Variants in KLHDC2 observed in about 807,000 individuals in gnomAD.
KLHDC2 encodes kelch domain containing 2, also known as kelch domain-containing protein 2.
A neutral mutation model predicts 62.3 loss-of-function variants in KLHDC2; 38 were observed. The observed-to-expected ratio is 0.61, with a 90% CI of 0.47 to 0.80. KLHDC2 has a LOEUF of 0.80. KLHDC2 is among the 30% of genes least tolerant of loss of function. The pLI, the probability that KLHDC2 is intolerant of heterozygous loss-of-function variation, is 0.00. For synonymous variants in KLHDC2, 159 were observed against 161.0 expected, an observed-to-expected ratio of 0.99 and a Z score of 0.09; for missense variants, 430 against 495.3, an observed-to-expected ratio of 0.87 and a Z score of 1.25.
Position 49,785,086 on chromosome 14 carries a change from A to T in KLHDC2, c.*2133A>T. 6.2e-7 allele frequency: 1 copy of T among 1,606,732 alleles called. No homozygotes were observed. The highest frequency in any genetic ancestry group is 8.5e-7 in the Non-Finnish European group (1 of 1,173,506). ...AATCATAATTCAAAAAAACAAATTT[A>T]AATACCTTTTCCCTTTTTCTGCACT... On this transcript the variant is annotated 3_prime_UTR_variant, in exon 13 of 13. Coordinates refer to ENST00000298307, the MANE Select transcript of KLHDC2 (RefSeq NM_014315.3).
intron 6 of KLHDC2, among the ~76,000 whole-genome samples, chr14:49,779,270 A>G (rs1396397829): frequency 1.3e-5 from 2 of 152,170 alleles, no homozygotes; most frequent in Non-Finnish European, 1.5e-5. Flanking sequence ...TAAATATTAG[A>G]TTTCTTTTCC....
Position 49,774,665 on chromosome 14 carries a change from G to A in KLHDC2, c.338G>A (p.Gly113Asp). 6.3e-7 allele frequency: 1 copy of A among 1,587,686 alleles called. No individual in the cohort carries two copies. Among genetic ancestry groups the A allele is most frequent in the Non-Finnish European group, 8.7e-7 (1 of 1,155,800 alleles). The stretch of plus-strand genomic sequence containing the variant: ...TTGTTTGGAGGACACCATTCAAGAG[G>A]CAATACCAATAAGGTTAGTGTTTCT... ...LYLFGGHHSR[G>D]NTNKFYMLDS... The change falls in exon 3 of 13, where the codon GGC becomes GAC. Residue 113 changes from glycine (G) to aspartate (D), a missense_variant. Gly to Asp is a moderately conservative substitution (Grantham distance 94). Coordinates refer to ENST00000298307, the MANE Select transcript of KLHDC2 (RefSeq NM_014315.3).
intron 3 of KLHDC2, among the ~76,000 whole-genome samples, chr14:49,776,932 A>AATATAT (rs34017046): frequency 5.2e-4 from 75 of 145,402 alleles, no homozygotes; most frequent in Admixed American, 2.6e-3. Flanking sequence ...AAAAAAAAGA[A>AATATAT]ATATATATAT....
In KLHDC2 at chr14:49,784,311, C is replaced by CCACTT. The variant is rs1210579932; in HGVS notation, c.*1363_*1367dup. On this transcript the variant is annotated 3_prime_UTR_variant, in exon 13 of 13. Coordinates refer to ENST00000298307, the MANE Select transcript of KLHDC2 (RefSeq NM_014315.3). ...CAAGTCAATAGTTTAAGCAATCAAG[C>CCACTT]CACTTCACTGTTCAGTTTCTTTACA... 5.0e-6 allele frequency: 1 copy of CCACTT among 198,668 alleles called. No individual in the cohort carries two copies. The highest frequency in any genetic ancestry group is 2.4e-5 in the African/African-American group (1 of 42,350). The allele number at this position is 198,668 out of a possible 1,614,324, so 12.3% of individuals were successfully genotyped here.
intron 12 of KLHDC2, 81 bp from the exon 13 acceptor site, chr14:49,782,749 A>ATGTT (rs1889966532): frequency 6.7e-7 from 1 of 1,488,752 alleles, no homozygotes; most frequent in Non-Finnish European, 9.2e-7. Flanking sequence ...AGAAAGAGGG[A>ATGTT]TGTTTTATGT....
At chr14:49,772,125 CTAGA>C (rs556361412) in intron 2 of KLHDC2, among the ~76,000 whole-genome samples, 2,069 of 152,242 alleles carry the variant, frequency 0.014, 24 homozygotes, top group Non-Finnish European at 0.02. Flanking sequence ...TCTGTAGTTA[CTAGA>C]TACTTTTATG....
chr14:49,777,798 T>G (rs1360365697), intron 3 of KLHDC2, 41 bp from the exon 4 acceptor site: 1 of 1,078,874 alleles, frequency 9.3e-7, no homozygotes, highest in East Asian at 2.4e-5. Flanking sequence ...TTGAATTTCT[T>G]TCATAAAACC....
At chr14:49,776,057 G>A (rs1172186729) in intron 3 of KLHDC2, among the ~76,000 whole-genome samples, 1 of 152,194 alleles carries the variant, frequency 6.6e-6, no homozygotes, top group Non-Finnish European at 1.5e-5. Context: ...ATGGTGTTAG[G>A]TAGGCTCCAA....
chr14:49,778,692 A>C (rs1889822728), intron 6 of KLHDC2, among the ~76,000 whole-genome samples, 198 bp downstream of exon 6: 1 of 151,900 alleles, frequency 6.6e-6, no homozygotes, highest in Non-Finnish European at 1.5e-5. Context: ...GTATGAAATG[A>C]CTAACCCAGC....
rs955795168 is a variant in KLHDC2, at chr14:49,780,746, A to G, written c.927A>G (p.Gln309=). The G allele has an allele frequency of 2.5e-6, 4 of 1,606,288 alleles. No individual in the cohort carries two copies. The highest frequency in any genetic ancestry group is 1.7e-6 in the Non-Finnish European group (2 of 1,172,958). Reference sequence around the variant, plus strand: ...GCATCAGTAAAAATGAATGGATACAATTTAATCATCCATATACCGAAAAAC... The same window carrying G: ...GCATCAGTAAAAATGAATGGATACAGTTTAATCATCCATATACCGAAAAAC... ...TYCISKNEWI[Q]FNHPYTEKPR... is the part of the protein sequence containing the mutation. The change falls in exon 10 of 13, where the codon CAA becomes CAG. Residue 309 remains glutamine, a synonymous_variant. Transcript: ENST00000298307.
intron 6 of KLHDC2, 31 bp from the exon 7 acceptor site, chr14:49,779,556 TATAAAAAG>T (rs1566636800): frequency 6.7e-7 from 1 of 1,498,460 alleles, no homozygotes; most frequent in Non-Finnish European, 9.3e-7. Context: ...TTTCCCTGTT[TATAAAAAG>T]TTCACTAACT....
At chr14:49,780,936 G>A (rs748584572) in intron 10 of KLHDC2, among the ~76,000 whole-genome samples, 161 bp downstream of exon 10, 3 of 152,176 alleles carry the variant, frequency 2.0e-5, no homozygotes, top group Admixed American at 1.3e-4. Flanking sequence ...AGTATCGAAT[G>A]ATCTCCTTTC....
Position 49,776,474 on chromosome 14 carries a change from CTTAA to C in KLHDC2, c.352-1359_352-1356del, listed in dbSNP as rs572336500. On this transcript the variant is annotated intron_variant, in intron 3 of 12. Transcript: ENST00000298307. ...ATATTTAATCTTTTAAGTATTGATC[CTTAA>C]TTAATCTCTTTAATCTTAAAGATTA... 1.2e-3 allele frequency among the ~76,000 whole-genome samples: 176 copies of C among 152,190 alleles called. 2 individuals carry two copies. The highest frequency in any genetic ancestry group is 4.6e-3 in the South Asian group (22 of 4,826).
At chr14:49,770,922 C>T (rs778198148) in intron 1 of KLHDC2, among the ~76,000 whole-genome samples, 3 of 152,252 alleles carry the variant, frequency 2.0e-5, no homozygotes, top group Admixed American at 6.5e-5. Context: ...TAGAAAACCA[C>T]GCATCGTGTT....
rs765163281 is a variant in KLHDC2, at chr14:49,779,556, TATAAA to T, written c.634-37_634-33del. Reference sequence around the variant, plus strand: ...AGTAGACATAGGTATTTTCCCTGTTTATAAAAAGTTCACTAACTTGCTTATGTGCC... The same window carrying T: ...AGTAGACATAGGTATTTTCCCTGTTTAAGTTCACTAACTTGCTTATGTGCC... On this transcript the variant is annotated intron_variant, in intron 6 of 12. Coordinates refer to ENST00000298307, the MANE Select transcript of KLHDC2 (RefSeq NM_014315.3). The T allele has an allele frequency of 1.1e-5, 17 of 1,498,460 alleles. No homozygotes were observed. The African/African-American group carries it at 1.7e-4, about 15-fold the overall frequency. The allele number at this position is 1,498,460 out of a possible 1,614,324, so 92.8% of individuals were successfully genotyped here. A position where few individuals can be genotyped will look rare whatever the true frequency, so the allele number is the denominator to read the frequency against.
chr14:49,780,105 C>T, intron 8 of KLHDC2, 108 bp from the exon 9 acceptor site: 1 of 735,586 alleles, frequency 1.4e-6, no homozygotes, highest in Non-Finnish European at 2.3e-6. Flanking sequence ...CCTTTTTAAA[C>T]TTAAGGTCTC....
rs1470457261 is a variant in KLHDC2, at chr14:49,785,481, A to C, written c.*2528A>C. 1.0e-5 allele frequency: 6 copies of C among 598,184 alleles called. No homozygotes were observed. In the East Asian group the frequency reaches 1.7e-4, roughly 17 times the overall value. 37.1% of individuals were successfully genotyped at this position (598,184 alleles called of 1,614,324 possible). A position where few individuals can be genotyped will look rare whatever the true frequency, so the allele number is the denominator to read the frequency against. On this transcript the variant is annotated 3_prime_UTR_variant, in exon 13 of 13. Transcript: ENST00000298307. ...ACTTAAACTCTGCTTCATAGTTCCA[A>C]AGAGTTGAAGACCAATGTTTAAATA...
chr14:49,781,130 T>C (rs565071744), intron 10 of KLHDC2, among the ~76,000 whole-genome samples: 3 of 152,118 alleles, frequency 2.0e-5, no homozygotes, highest in African/African-American at 7.2e-5. Flanking sequence ...CCCAGCACTT[T>C]AGGAGGCTGA....
In KLHDC2 at chr14:49,777,840, T is replaced by C. The variant is rs1889804836; in HGVS notation, c.353T>C (p.Phe118Ser). 1 of 1,531,332 alleles carries C rather than the reference T, an allele frequency of 6.5e-7. No homozygotes were observed. 94.9% of individuals were successfully genotyped at this position (1,531,332 alleles called of 1,614,324 possible). ...GHHSRGNTNKFYMLDSRSTDR... is the reference protein window; with the variant it reads ...GHHSRGNTNKSYMLDSRSTDR... ...AACTGAAATCATTGCTTCTGACAGT[T>C]CTACATGCTGGATTCAAGGTCTACA... The change falls in exon 4 of 13, where the codon TTC (phenylalanine) becomes TCC (serine). Residue 118 changes from phenylalanine to serine, a missense_variant and splice_region_variant. By Grantham distance (155) the Phe-to-Ser change is radical. Transcript: ENST00000298307.
Sources: allele counts gnomAD v4.1 joint callset (sites outside exome capture counted in the v4.1 genomes callset), GRCh38; gene constraint gnomAD v4.1.1; transcripts MANE v1.5; gene names NCBI Gene and HGNC (gene_info 2026-07-23, HGNC 2026-07-21).